The following SAMD12 variants were observed in gnomAD, a reference collection of about 807,000 sequenced individuals.
The protein encoded by SAMD12 is sterile alpha motif domain containing 12.
Under a neutral mutation model 15.0 loss-of-function variants are expected in SAMD12, and 9 were observed. The observed-to-expected ratio is 0.60, with a 90% CI of 0.36 to 1.05. The LOEUF is 1.05. SAMD12 is among the 50% of genes least tolerant of loss of function. SAMD12 has a pLI of 0.01. For missense variants in SAMD12, 230 were observed against 234.2 expected (o/e 0.98, Z 0.12); for synonymous variants, 86 against 90.1 (o/e 0.96, Z 0.25).
In SAMD12 at chr8:118,379,669, C is replaced by T. The variant is rs1303400224; in HGVS notation, c.354G>A (p.Lys118=). 1 of 1,613,848 alleles carries T rather than the reference C, an allele frequency of 6.2e-7. No homozygotes were observed. The highest frequency in any genetic ancestry group is 8.5e-7 in the Non-Finnish European group (1 of 1,179,808). The change falls in exon 4 of 4, where the codon AAG becomes AAA. Residue 118 remains lysine (K), a synonymous_variant. Transcript: ENST00000314727. ...GRALLRLTDK[K]LERMGIAQEN... ...CCTGGGCAATCCCCATTCGCTCGAG[C>T]TTTTTGTCAGTAAGTCTCAGCAGGG...
At chr8:118,174,566 C>T in the SAMD12 span, among the ~76,000 whole-genome samples, 1 of 152,128 alleles carries the variant, frequency 6.6e-6, no homozygotes, top group African/African-American at 2.4e-5. Context: ...AAATGCTCCA[C>T]TTCCAGGAGC....
intron 2 of SAMD12, among the ~76,000 whole-genome samples, chr8:118,442,332 G>T (rs559158349): frequency 4.7e-4 from 72 of 152,266 alleles, no homozygotes; most frequent in Admixed American, 9.2e-4. Flanking sequence ...TATTTAATCA[G>T]CAGTGACTTT....
At chr8:118,254,469 T>C (rs986809398) in intron 4 of SAMD12, among the ~76,000 whole-genome samples, 1 of 152,158 alleles carries the variant, frequency 6.6e-6, no homozygotes, top group Non-Finnish European at 1.5e-5. Flanking sequence ...TCTTAAGTCA[T>C]ATCTCCTGTG....
intron 1 of SAMD12, among the ~76,000 whole-genome samples, chr8:118,601,890 C>T (rs1436017554): frequency 5.9e-5 from 9 of 152,080 alleles, no homozygotes; most frequent in Non-Finnish European, 1.3e-4. Flanking sequence ...CCCTTAGGGA[C>T]GTCTCTCCAT....
intron 4 of SAMD12, among the ~76,000 whole-genome samples, chr8:118,349,081 A>AGAAAATCC (rs1436794795): frequency 3.9e-5 from 6 of 152,244 alleles, no homozygotes; most frequent in Admixed American, 3.9e-4. Context: ...GGAGAAAGGT[A>AGAAAATCC]CCTCACAAGA....
chr8:118,226,176 T>C (rs1352391007), intron 4 of SAMD12, among the ~76,000 whole-genome samples: 2 of 152,128 alleles, frequency 1.3e-5, no homozygotes, highest in Non-Finnish European at 2.9e-5. Context: ...TTGTCCCCAT[T>C]TAACACATGA....
chr8:118,300,112 T>G (rs928372149), intron 4 of SAMD12, among the ~76,000 whole-genome samples: 1 of 152,148 alleles, frequency 6.6e-6, no homozygotes, highest in Non-Finnish European at 1.5e-5. Context: ...AGTGATCAGA[T>G]CTGGGTAATT....
At chr8:118,216,834 G>A (rs1450215031) in intron 4 of SAMD12, among the ~76,000 whole-genome samples, 2 of 152,160 alleles carry the variant, frequency 1.3e-5, no homozygotes, top group African/African-American at 2.4e-5. Context: ...AACATTTCTT[G>A]ACAATGAAAA....
At chr8:118,607,272 A>C (rs1828007928) in intron 1 of SAMD12, among the ~76,000 whole-genome samples, 1 of 151,352 alleles carries the variant, frequency 6.6e-6, no homozygotes, top group African/African-American at 2.4e-5. Flanking sequence ...TTTCACTCTT[A>C]TTGCCCAGGC....
chr8:118,591,558 A>G (rs1827585765), intron 1 of SAMD12, among the ~76,000 whole-genome samples: 1 of 152,212 alleles, frequency 6.6e-6, no homozygotes, highest in African/African-American at 2.4e-5. Flanking sequence ...AACAATTTTA[A>G]TAACAGTTAA....
intron 2 of SAMD12, among the ~76,000 whole-genome samples, chr8:118,569,774 TC>T (rs2131231220): frequency 6.6e-6 from 1 of 152,330 alleles, no homozygotes; most frequent in East Asian, 1.9e-4. Flanking sequence ...ATCTTGGATT[TC>T]CCAGCCTTCA....
intron 2 of SAMD12, among the ~76,000 whole-genome samples, chr8:118,501,777 G>A (rs1333287555): frequency 6.6e-6 from 1 of 152,208 alleles, no homozygotes; most frequent in East Asian, 1.9e-4. Context: ...AGCACTTTGG[G>A]AAGCCAAGGC....
At chr8:118,400,284 A>T (rs1171431892) in intron 3 of SAMD12, 1 of 152,220 alleles carries the variant, frequency 6.6e-6, no homozygotes, top group Non-Finnish European at 1.5e-5. Context: ...CAGATGAGCA[A>T]ACAAAAGCAA....
rs547813377 is a variant in SAMD12 at position 118,270,462 on chromosome 8, C to T, written c.434-72730G>A. ...AGTACCAGCAATATCATTACCATCCCGTTTCTTTTCTCCTATCTCACTCTA... is the reference window on the plus strand; with the variant it reads ...AGTACCAGCAATATCATTACCATCCTGTTTCTTTTCTCCTATCTCACTCTA... On this transcript the variant is annotated intron_variant, in intron 4 of 4. Transcript: ENST00000409003. 2.2e-3 allele frequency among the ~76,000 whole-genome samples: 333 copies of T among 152,228 alleles called. 2 individuals are homozygous for T. The highest frequency in any genetic ancestry group is 7.5e-3 in the African/African-American group (310 of 41,534).
chr8:118,197,635 G>T, exon 5 of SAMD12: 1 of 1,205,436 alleles, frequency 8.3e-7, no homozygotes, highest in Non-Finnish European at 1.2e-6. Context: ...GCAGTGCCAT[G>T]GGTTAGTCTT....
chr8:118,361,273 C>T (rs1818486458), intron 4 of SAMD12, among the ~76,000 whole-genome samples: 2 of 152,144 alleles, frequency 1.3e-5, no homozygotes, highest in Admixed American at 6.5e-5. Context: ...CTAATTTGCT[C>T]ATTCAGTTTG....
intron 1 of SAMD12, among the ~76,000 whole-genome samples, chr8:118,609,181 C>G (rs901758587): frequency 6.6e-6 from 1 of 152,142 alleles, no homozygotes; most frequent in African/African-American, 2.4e-5. Flanking sequence ...TGAGGGTGGT[C>G]ATAGTGTGGT....
At chr8:118,433,964 A>G (rs780206313) in intron 3 of SAMD12, among the ~76,000 whole-genome samples, 7 of 152,168 alleles carry the variant, frequency 4.6e-5, no homozygotes, top group Non-Finnish European at 4.4e-5. Flanking sequence ...TTAGCTACAC[A>G]CCCCATTGGT....
At chr8:118,361,631 C>T (rs529346788) in intron 4 of SAMD12, among the ~76,000 whole-genome samples, 67 of 152,176 alleles carry the variant, frequency 4.4e-4, no homozygotes, top group African/African-American at 1.2e-3. Context: ...ACTAAGGCAC[C>T]GCAGTAATGG....
Sources: allele counts gnomAD v4.1 joint callset (sites outside exome capture counted in the v4.1 genomes callset), GRCh38; gene constraint gnomAD v4.1.1; transcripts MANE v1.5; gene names NCBI Gene and HGNC (gene_info 2026-07-23, HGNC 2026-07-21).